Variants in MPRIP observed in about 807,000 individuals in gnomAD.
MPRIP encodes myosin phosphatase Rho interacting protein, also known as myosin phosphatase Rho-interacting protein.
MPRIP carries 59 observed loss-of-function variants against 234.9 expected under a neutral mutation model. The observed-to-expected ratio is 0.25, with a 90% CI of 0.20 to 0.31. MPRIP has a LOEUF of 0.31. MPRIP is among the 10% of genes least tolerant of loss of function. The pLI is 1.00. For missense variants in MPRIP, 2,436 were observed against 3,071.0 expected (o/e 0.79, Z 4.89); for synonymous variants, 1,144 against 1,263.9 (o/e 0.91, Z 2.01).
At position 17,188,364 on chromosome 17, in the gene MPRIP, G is replaced by C. The variant is rs1199376187; in HGVS notation, c.*3470G>C. The C allele has an allele frequency of 6.6e-6, 1 of 152,286 alleles. No individual in the cohort carries two copies. Among genetic ancestry groups the C allele is most frequent in the East Asian group, 1.9e-4 (1 of 5,208 alleles). 9.4% of individuals were successfully genotyped at this position (152,286 alleles called of 1,614,324 possible). ...AAGAGGTAACATCGGAGAGGATCTT[G>C]CCTTCGGATTCAGCAAGTATGAAGG... On this transcript the variant is annotated 3_prime_UTR_variant, in exon 24 of 24. Transcript: ENST00000651222.
rs142386883 is a variant in MPRIP, at chr17:17,183,505, C to T, written c.7207-1318C>T. ...TGCTGGGATTACAGGCGTGAGCCAC[C>T]GCGCCCGGCCTGGACCAGTGAGTTT... On this transcript the variant is annotated intron_variant, in intron 23 of 23. Transcript: ENST00000651222. Among the ~76,000 whole-genome samples the T allele has an allele frequency of 1.6e-4, 25 of 152,282 alleles. No homozygotes were observed. In the East Asian group the frequency reaches 3.7e-3, roughly 22 times the overall value.
chr17:17,081,300 G>C (rs2089457070), intron 3 of MPRIP, among the ~76,000 whole-genome samples: 1 of 152,180 alleles, frequency 6.6e-6, no homozygotes, highest in Admixed American at 6.5e-5. Context: ...TCTAGCATGG[G>C]GTTTGGGCGG....
intron 3 of MPRIP, among the ~76,000 whole-genome samples, chr17:17,095,850 C>T (rs552932807): frequency 1.3e-5 from 2 of 152,302 alleles, no homozygotes; most frequent in South Asian, 4.1e-4. Context: ...TGCCAGCCTG[C>T]CTCCTCCTAG....
intron 23 of MPRIP, among the ~76,000 whole-genome samples, chr17:17,181,027 A>G (rs1361162680): frequency 1.3e-5 from 2 of 152,226 alleles, no homozygotes; most frequent in African/African-American, 2.4e-5. Context: ...AGTGAAGTCT[A>G]CCGTCACCAA....
At chr17:17,077,973 C>T (rs1317680654) in intron 2 of MPRIP, 38 bp from the exon 3 acceptor site, 1 of 1,611,654 alleles carries the variant, frequency 6.2e-7, no homozygotes, top group Non-Finnish European at 8.5e-7. Flanking sequence ...GGCCAGGACC[C>T]AGATCCTCCT....
At chr17:17,184,723 T>G (rs2046439990) in intron 23 of MPRIP, 100 bp from the exon 24 acceptor site, 1 of 851,850 alleles carries the variant, frequency 1.2e-6, no homozygotes, top group African/African-American at 1.7e-5. Flanking sequence ...GCTCTCTGAC[T>G]GATGCCGGCT....
intron 1 of MPRIP, among the ~76,000 whole-genome samples, chr17:17,050,554 G>A (rs1597714799): frequency 1.3e-5 from 2 of 152,186 alleles, no homozygotes; most frequent in African/African-American, 4.8e-5. Flanking sequence ...AGTTTCCTCC[G>A]TCCCTCCCTT....
chr17:17,169,906 C>T (rs1353149498), intron 16 of MPRIP, among the ~76,000 whole-genome samples: 1 of 152,136 alleles, frequency 6.6e-6, no homozygotes, highest in East Asian at 1.9e-4. Context: ...TATTTTTTAG[C>T]ATATAGTTTC....
Position 17,167,946 on chromosome 17 carries a change from G to C in MPRIP, c.6324+31G>C. The C allele has an allele frequency of 7.8e-7, 1 of 1,278,562 alleles. No individual in the cohort carries two copies. The highest frequency in any genetic ancestry group is 1.3e-5 in the South Asian group (1 of 78,088). 79.2% of individuals were successfully genotyped at this position (1,278,562 alleles called of 1,614,324 possible). On this transcript the variant is annotated intron_variant, in intron 16 of 23. Transcript: ENST00000651222. The surrounding 1 kb of genome is among the most constrained non-coding windows in gnomAD (Gnocchi z 5.9). ...AACGCCCCATTCAATTTGCAGAGCA[G>C]ATCTTCCTTGATAATGGGGTGGGTG...
At chr17:17,114,585 A>G (rs916536518) in intron 3 of MPRIP, among the ~76,000 whole-genome samples, 1 of 152,174 alleles carries the variant, frequency 6.6e-6, no homozygotes, top group Admixed American at 6.5e-5. Flanking sequence ...TCATTGTTGC[A>G]TATGGTGTAG....
At chr17:17,170,344 G>A (rs924206845) in intron 16 of MPRIP, among the ~76,000 whole-genome samples, 34 of 152,180 alleles carry the variant, frequency 2.2e-4, no homozygotes, top group Non-Finnish European at 4.6e-4. Flanking sequence ...TCCTGCAGCC[G>A]TCCTGAGGTG....
intron 15 of MPRIP, among the ~76,000 whole-genome samples, chr17:17,163,019 C>CT (rs1174386934): frequency 6.6e-6 from 1 of 152,212 alleles, no homozygotes. Flanking sequence ...CAAAGCTGGT[C>CT]TTTAATACCT....
At position 17,166,183 on chromosome 17, in the gene MPRIP, G is replaced by T; in HGVS notation, c.4592G>T (p.Arg1531Leu). The change falls in exon 16 of 24, where the codon CGT becomes CTT. Residue 1531 changes from arginine (R) to leucine (L), a missense_variant. Around this residue, in one of 4 missense-constraint regions of MPRIP, gnomAD observed 1,998 missense variants for 2,520.3 expected, o/e 0.79. Transcript: ENST00000651222. The surrounding 1 kb of genome is among the most constrained non-coding windows in gnomAD (Gnocchi z 4.4). Reference protein sequence around the residue: ...HWPAPAHGGARAQLETGGTEE... With the variant: ...HWPAPAHGGALAQLETGGTEE... ...CCGGCCCCAGCCCATGGCGGGGCCC[G>T]TGCACAGCTGGAGACAGGTGGCACC... 7.7e-7 allele frequency: 1 copy of T among 1,302,840 alleles called. No homozygotes were observed. The highest frequency in any genetic ancestry group is 1.0e-6 in the Non-Finnish European group (1 of 988,362). The allele number at this position is 1,302,840 out of a possible 1,614,324, so 80.7% of individuals were successfully genotyped here.
Position 17,103,104 on chromosome 17 carries a change from G to A in MPRIP, c.268-23598G>A, listed in dbSNP as rs533792585. ...CCAAGGCCTTGTCTCCCTTGAGGCA[G>A]AGTGGTGTGGTGGAGCGAGTACTGG... On this transcript the variant is annotated intron_variant, in intron 3 of 23. Coordinates refer to ENST00000651222, the MANE Select transcript of MPRIP (RefSeq NM_001364716.4). 5.9e-5 allele frequency among the ~76,000 whole-genome samples: 9 copies of A among 152,340 alleles called. No homozygotes were observed. In the South Asian group the frequency reaches 1.4e-3, roughly 25 times the overall value.
At chr17:17,103,256 T>A (rs1179677026) in intron 3 of MPRIP, among the ~76,000 whole-genome samples, 1 of 152,166 alleles carries the variant, frequency 6.6e-6, no homozygotes, top group Non-Finnish European at 1.5e-5. Context: ...GAAAAAAGCA[T>A]TGGTGACGTG....
intron 11 of MPRIP, among the ~76,000 whole-genome samples, chr17:17,149,001 T>G (rs1480312726): frequency 3.9e-5 from 6 of 152,212 alleles, no homozygotes; most frequent in Admixed American, 6.5e-5. Flanking sequence ...TAATGAAATG[T>G]GTAGACAATT....
chr17:17,137,692 C>T (rs955905654), intron 6 of MPRIP, among the ~76,000 whole-genome samples: 2 of 152,048 alleles, frequency 1.3e-5, no homozygotes, highest in Non-Finnish European at 2.9e-5. Context: ...CAGCCAGCTG[C>T]AGGGGAGAGA....
chr17:17,138,028 G>A lies in MPRIP; in HGVS notation c.849G>A (p.Gln283=), dbSNP rs2090739464. ...AGGACTTGAAGGCTGAAGAACAGCA[G>A]CTGCCCCCGCCGCTCTCCCCTCCCA... ...TKQDLKAEEQ[Q]LPPPLSPPSP... is the part of the protein sequence containing the mutation. Residue 283 remains glutamine, a synonymous_variant, in exon 7 of 24, where the codon CAG becomes CAA. Coordinates refer to ENST00000651222, the MANE Select transcript of MPRIP (RefSeq NM_001364716.4). The surrounding 1 kb of genome is among the most constrained non-coding windows in gnomAD (Gnocchi z 5.8). 7 of 1,604,040 alleles carry A rather than the reference G, an allele frequency of 4.4e-6. No homozygotes were observed. The highest frequency in any genetic ancestry group is 4.3e-6 in the Non-Finnish European group (5 of 1,175,130).
At chr17:17,176,590 G>C in intron 21 of MPRIP, 78 bp downstream of exon 21, 2 of 1,122,292 alleles carry the variant, frequency 1.8e-6, no homozygotes, top group East Asian at 2.4e-5. Context: ...TCAGGCTGGT[G>C]CTCAGCGCGG....
Sources: allele counts gnomAD v4.1 joint callset (sites outside exome capture counted in the v4.1 genomes callset), GRCh38; gene constraint gnomAD v4.1.1; regional missense constraint gnomAD v4.1.1; non-coding constraint Gnocchi (gnomAD v3.1); transcripts MANE v1.5; gene names NCBI Gene and HGNC (gene_info 2026-07-23, HGNC 2026-07-21).